Variants in JAKMIP1 observed in about 807,000 individuals in gnomAD.
The protein encoded by JAKMIP1 is janus kinase and microtubule interacting protein 1.
Under a neutral mutation model 113.0 loss-of-function variants are expected in JAKMIP1, and 33 were observed. That is an observed-to-expected ratio of 0.29 (90% CI 0.22 to 0.39). The LOEUF is 0.39. Among genes scored for constraint, JAKMIP1 ranks in the 10% least tolerant of loss-of-function variants. The probability of loss-of-function intolerance (pLI) is 1.00; values close to 1 mark genes in which losing one functional copy is unlikely to be tolerated. For synonymous variants in JAKMIP1, 480 were observed against 459.9 expected (o/e 1.04, Z -0.56); for missense variants, 813 against 1,080.5 (o/e 0.75, Z 3.47).
chr4:6,105,896 G>C lies in JAKMIP1; in HGVS notation c.201C>G (p.Ala67=). Residue 67 remains alanine (A), a synonymous_variant, in exon 3 of 21, where the codon GCC becomes GCG. Coordinates refer to ENST00000409021, the MANE Select transcript of JAKMIP1 (RefSeq NM_001099433.2). ...EREQEQRRHT[A]YISELKAKLH... Reference sequence around the variant, plus strand: ...GCTTGGCCTTGAGCTCCGAAATGTAGGCCGTGTGCCGTCGCTGCTCCTGCT... The same window carrying C: ...GCTTGGCCTTGAGCTCCGAAATGTACGCCGTGTGCCGTCGCTGCTCCTGCT... The C allele has an allele frequency of 6.2e-7, 1 of 1,611,812 alleles. No homozygotes were observed. Among genetic ancestry groups the C allele is most frequent in the Non-Finnish European group, 8.5e-7 (1 of 1,179,716 alleles).
chr4:6,065,109 C>T lies in JAKMIP1; in HGVS notation c.1303-101G>A, dbSNP rs2108792305. The stretch of plus-strand genomic sequence containing the variant: ...GCCAGTGCAGGGGGGTGATGATTGA[C>T]ATTTGGGCCACTGGGGCATCACAAG... On this transcript the variant is annotated intron_variant, in intron 8 of 20. Transcript: ENST00000409021. The surrounding 1 kb of genome is among the most constrained non-coding windows in gnomAD (Gnocchi z 5.1). 7.0e-7 allele frequency: 1 copy of T among 1,432,758 alleles called. No homozygotes were observed. The allele number at this position is 1,432,758 out of a possible 1,614,324, so 88.8% of individuals were successfully genotyped here.
At chr4:6,149,650 T>C (rs11937480) in intron 1 of JAKMIP1, among the ~76,000 whole-genome samples, 21,828 of 152,186 alleles carry the variant, frequency 0.14, 1,715 homozygotes, top group African/African-American at 0.22. Context: ...ATATTTATAT[T>C]GGCTCATAAA....
At chr4:6,126,195 ATACACAAACACACAC>A (rs1717547929) in intron 1 of JAKMIP1, among the ~76,000 whole-genome samples, 1 of 149,248 alleles carries the variant, frequency 6.7e-6, no homozygotes, top group African/African-American at 2.5e-5. Context: ...AGAAACACAC[ATACACAAACACACAC>A]CATGCGGAAA....
chr4:6,088,700 G>A lies in JAKMIP1; in HGVS notation c.625-3071C>T, dbSNP rs1000201822. 1.3e-5 allele frequency among the ~76,000 whole-genome samples: 2 copies of A among 152,168 alleles called. No homozygotes were observed. Among genetic ancestry groups the A allele is most frequent in the Non-Finnish European group, 2.9e-5 (2 of 68,020 alleles). On this transcript the variant is annotated intron_variant, in intron 3 of 20. Transcript: ENST00000409021. The surrounding 1 kb of genome is among the most constrained non-coding windows in gnomAD (Gnocchi z 5.5). ...CACTGGCCACGCTCACGTAGCAAGA[G>A]GCAGGCACACTCACAGTTCACTGAC...
At chr4:6,149,904 C>G (rs939903892) in intron 1 of JAKMIP1, among the ~76,000 whole-genome samples, 7 of 152,130 alleles carry the variant, frequency 4.6e-5, no homozygotes, top group African/African-American at 1.7e-4. Flanking sequence ...CAGCTCTCCC[C>G]ACCCATGGCC....
At chr4:6,123,138 C>T (rs1228651503) in intron 1 of JAKMIP1, among the ~76,000 whole-genome samples, 2 of 152,218 alleles carry the variant, frequency 1.3e-5, no homozygotes, top group Non-Finnish European at 2.9e-5. Context: ...TAGTTTGCAA[C>T]ATACCCTCGA....
intron 20 of JAKMIP1, among the ~76,000 whole-genome samples, chr4:6,026,554 G>A (rs75145640): frequency 0.017 from 2,629 of 152,128 alleles, 73 homozygotes; most frequent in African/African-American, 0.059. Flanking sequence ...ACTCTGGACC[G>A]GGACAGGACT....
chr4:6,175,979 G>A (rs538477918), intron 1 of JAKMIP1, among the ~76,000 whole-genome samples: 1 of 152,288 alleles, frequency 6.6e-6, no homozygotes, highest in Non-Finnish European at 1.5e-5. Context: ...TACAGCAGAT[G>A]AGGTCCCTTG....
chr4:6,081,687 C>A lies in JAKMIP1; in HGVS notation c.1023G>T (p.Lys341Asn). 1 of 1,614,204 alleles carries A rather than the reference C, an allele frequency of 6.2e-7. No individual in the cohort carries two copies. Among genetic ancestry groups the A allele is most frequent in the East Asian group, 2.2e-5 (1 of 44,876 alleles). The change falls in exon 6 of 21, where the codon AAG (lysine) becomes AAT (asparagine). Residue 341 changes from lysine (K) to asparagine (N), a missense_variant. Coordinates refer to ENST00000409021, the MANE Select transcript of JAKMIP1 (RefSeq NM_001099433.2). The surrounding 1 kb of genome is among the most constrained non-coding windows in gnomAD (Gnocchi z 4.6). Reference protein sequence around the residue: ...PLVEKNKRMNKKNEDLLQSIQ... With the variant: ...PLVEKNKRMNNKNEDLLQSIQ... ...TACTCTGCAACAGATCCTCATTCTT[C>A]TTGTTCATCCGCTTGTTCTTCTCCA...
intron 1 of JAKMIP1, among the ~76,000 whole-genome samples, chr4:6,130,298 A>G (rs1718317829): frequency 6.6e-6 from 1 of 152,260 alleles, no homozygotes; most frequent in African/African-American, 2.4e-5. Flanking sequence ...TCCCGTCTAA[A>G]TAAGGCAAGT....
intron 1 of JAKMIP1, among the ~76,000 whole-genome samples, chr4:6,123,272 G>A (rs1716958424): frequency 1.3e-5 from 2 of 152,172 alleles, no homozygotes; most frequent in African/African-American, 4.8e-5. Flanking sequence ...CACACAGTAG[G>A]CAAAGCCCCC....
intron 1 of JAKMIP1, among the ~76,000 whole-genome samples, chr4:6,191,652 C>A (rs73795775): frequency 4.1e-4 from 62 of 152,306 alleles, no homozygotes; most frequent in African/African-American, 1.4e-3. Flanking sequence ...GCCCCATAGA[C>A]CTGAGCCTGG....
In JAKMIP1 at chr4:6,155,468, G is replaced by C. The variant is rs948184455; in HGVS notation, c.-147-42471C>G. ...CCAAAAGTGCACAGCTACTAAGCGG[G>C]ACTCAAATCCAGACAGTTTGGTTCC... On this transcript the variant is annotated intron_variant, in intron 1 of 20. Coordinates refer to ENST00000409021, the MANE Select transcript of JAKMIP1 (RefSeq NM_001099433.2). The surrounding 1 kb of genome is among the most constrained non-coding windows in gnomAD (Gnocchi z 6.1). 6.6e-6 allele frequency among the ~76,000 whole-genome samples: 1 copy of C among 152,184 alleles called. No individual in the cohort carries two copies. The highest frequency in any genetic ancestry group is 1.5e-5 in the Non-Finnish European group (1 of 68,032).
chr4:6,058,118 C>T (rs897974127), intron 11 of JAKMIP1, among the ~76,000 whole-genome samples: 1 of 152,226 alleles, frequency 6.6e-6, no homozygotes, highest in African/African-American at 2.4e-5. Flanking sequence ...TGAATGGACA[C>T]AGGCTCAGCC....
intron 8 of JAKMIP1, among the ~76,000 whole-genome samples, chr4:6,072,532 C>T (rs1719112451): frequency 6.6e-6 from 1 of 152,178 alleles, no homozygotes. Flanking sequence ...TCGCCCCTCC[C>T]AGCAAAGGGC....
Position 6,044,210 on chromosome 4 carries a change from CT to C in JAKMIP1, c.2029-1984del, listed in dbSNP as rs1714705064. ...GACAGCGCTGTTGTCTGTTTCACCC[CT>C]CACCCCGCTGCCCCCCTTGAAGGTG... is the stretch of plus-strand genomic sequence containing the variant. On this transcript the variant is annotated intron_variant, in intron 16 of 20. Transcript: ENST00000409021. The surrounding 1 kb of genome is among the most constrained non-coding windows in gnomAD (Gnocchi z 4.4). Among the ~76,000 whole-genome samples, 1 of 152,050 alleles carries C rather than the reference CT, an allele frequency of 6.6e-6. No individual in the cohort carries two copies. Among genetic ancestry groups the C allele is most frequent in the South Asian group, 2.1e-4 (1 of 4,818 alleles).
intron 1 of JAKMIP1, among the ~76,000 whole-genome samples, chr4:6,163,104 G>A (rs752516431): frequency 2.8e-4 from 42 of 152,248 alleles, no homozygotes; most frequent in Non-Finnish European, 1.6e-4. Flanking sequence ...CAGACCCTGA[G>A]GCTCCCATGA....
chr4:6,086,270 G>A lies in JAKMIP1; in HGVS notation c.625-641C>T, dbSNP rs893457132. Among the ~76,000 whole-genome samples, 29 of 152,128 alleles carry A rather than the reference G, an allele frequency of 1.9e-4. No homozygotes were observed. In the Middle Eastern group the frequency reaches 0.014, roughly 71 times the overall value. On this transcript the variant is annotated intron_variant, in intron 3 of 20. Coordinates refer to ENST00000409021, the MANE Select transcript of JAKMIP1 (RefSeq NM_001099433.2). The surrounding 1 kb of genome is among the most constrained non-coding windows in gnomAD (Gnocchi z 4.1). ...TTGAAGCCTGGAGTTTCCAAGGCTC[G>A]GGCCTCTTCTCACTCTATATCCTCT...
chr4:6,097,727 C>T lies in JAKMIP1; in HGVS notation c.624+7746G>A, dbSNP rs1034930299. Among the ~76,000 whole-genome samples, 5 of 152,300 alleles carry T rather than the reference C, an allele frequency of 3.3e-5. No individual in the cohort carries two copies. The highest frequency in any genetic ancestry group is 1.9e-4 in the East Asian group (1 of 5,184). On this transcript the variant is annotated intron_variant, in intron 3 of 20. Transcript: ENST00000409021. This position sits in a 1 kb window ranked among gnomAD's most constrained non-coding sequence, Gnocchi z 4.3. ...TTGCAACAAAAAATGCAATAAGAAG[C>T]GTTCATTCTCATCATCATTTGACAA...
Sources: allele counts gnomAD v4.1 joint callset (sites outside exome capture counted in the v4.1 genomes callset), GRCh38; gene constraint gnomAD v4.1.1; non-coding constraint Gnocchi (gnomAD v3.1); transcripts MANE v1.5; gene names NCBI Gene and HGNC (gene_info 2026-07-23, HGNC 2026-07-21).